MYOM1: variants seen among roughly 807,000 people sequenced by gnomAD.
MYOM1 encodes myomesin 1, also known as myomesin-1.
Under a neutral mutation model 205.3 loss-of-function variants are expected in MYOM1, and 164 were observed. That is an observed-to-expected ratio of 0.80 (90% confidence interval 0.70 to 0.91). The LOEUF (loss-of-function observed/expected upper bound fraction) is 0.91. Among genes scored for constraint, MYOM1 ranks in the 40% least tolerant of loss-of-function variants. MYOM1 has a pLI of 0.00. For missense variants in MYOM1, 2,011 were observed against 2,127.3 expected (o/e 0.95, Z 1.08); for synonymous variants, 772 against 789.4 (o/e 0.98, Z 0.37).
At chr18:3,128,839 G>A (rs891857161) in intron 18 of MYOM1, among the ~76,000 whole-genome samples, 1 of 152,140 alleles carries the variant, frequency 6.6e-6, no homozygotes, top group African/African-American at 2.4e-5. Flanking sequence ...TTCTTTGTGA[G>A]ATCTTTCTCC....
intron 23 of MYOM1, among the ~76,000 whole-genome samples, chr18:3,102,125 C>T (rs529930013): frequency 3.3e-5 from 5 of 151,478 alleles, no homozygotes; most frequent in African/African-American, 9.7e-5. Flanking sequence ...CCTCAGCCTC[C>T]CGAGTAGCTG....
chr18:3,108,097 T>G (rs1206839278), intron 22 of MYOM1, among the ~76,000 whole-genome samples: 1 of 152,202 alleles, frequency 6.6e-6, no homozygotes, highest in Non-Finnish European at 1.5e-5. Context: ...TGTAGGCATC[T>G]TGGTCTTCTA....
At chr18:3,225,896 T>C in the MYOM1 span, among the ~76,000 whole-genome samples, 2 of 152,214 alleles carry the variant, frequency 1.3e-5, no homozygotes, top group African/African-American at 4.8e-5. Context: ...CTGTGGTCTG[T>C]CAGGAATTGG....
intron 8 of MYOM1, among the ~76,000 whole-genome samples, chr18:3,171,156 T>G (rs550468562): frequency 6.6e-6 from 1 of 152,374 alleles, no homozygotes; most frequent in East Asian, 1.9e-4. Context: ...TGGCCGTTTC[T>G]GTGCTCTTGG....
intron 21 of MYOM1, among the ~76,000 whole-genome samples, chr18:3,113,902 G>T (rs533983785): frequency 2.0e-5 from 3 of 152,166 alleles, no homozygotes; most frequent in Non-Finnish European, 4.4e-5. Flanking sequence ...AATGAGGTAC[G>T]TATTAAATTG....
intron 10 of MYOM1, among the ~76,000 whole-genome samples, chr18:3,161,128 C>T (rs928430734): frequency 6.6e-6 from 1 of 152,186 alleles, no homozygotes. Flanking sequence ...TTGCTAATTG[C>T]AGTGTGTTGG....
At chr18:3,151,621 T>C in intron 12 of MYOM1, 73 bp downstream of exon 12, 5 of 1,371,694 alleles carry the variant, frequency 3.6e-6, no homozygotes, top group Non-Finnish European at 5.0e-6. Context: ...AGAAACAACC[T>C]TGCAATGAAG....
At position 3,107,200 on chromosome 18, in the gene MYOM1, C is replaced by T. The variant is rs577702361; in HGVS notation, c.3419-4570G>A. Among the ~76,000 whole-genome samples, 293 of 152,292 alleles carry T rather than the reference C, an allele frequency of 1.9e-3. 2 individuals carry two copies. The highest frequency in any genetic ancestry group is 6.8e-3 in the African/African-American group (281 of 41,570). On this transcript the variant is annotated intron_variant, in intron 22 of 37. Coordinates refer to ENST00000356443, the MANE Select transcript of MYOM1 (RefSeq NM_003803.4). The stretch of plus-strand genomic sequence containing the variant: ...TGGCACGATCTCGGCTCACTGCAAC[C>T]TCTGTCTCCTGGGTTCAAGTGATTC...
At position 3,195,158 on chromosome 18, in the gene MYOM1, T is replaced by A. The variant is rs534995766; in HGVS notation, c.291-1200A>T. Among the ~76,000 whole-genome samples, 4 of 152,312 alleles carry A rather than the reference T, an allele frequency of 2.6e-5. No individual in the cohort carries two copies. In the South Asian group the frequency reaches 6.2e-4, roughly 24 times the overall value. The stretch of plus-strand genomic sequence containing the variant: ...ATGGTACAAAATGGATATATGACGA[T>A]GCGAGAAAACAAGTAGCACAGGACT... On this transcript the variant is annotated intron_variant, in intron 2 of 37. Coordinates refer to ENST00000356443, the MANE Select transcript of MYOM1 (RefSeq NM_003803.4).
At chr18:3,218,939 G>C (rs962068650) in intron 1 of MYOM1, among the ~76,000 whole-genome samples, 1 of 151,984 alleles carries the variant, frequency 6.6e-6, no homozygotes, top group Non-Finnish European at 1.5e-5. Context: ...AGTAAACAGG[G>C]TTTGACTTGA....
At chr18:3,122,150 G>T (rs2079702638) in intron 19 of MYOM1, among the ~76,000 whole-genome samples, 1 of 150,204 alleles carries the variant, frequency 6.7e-6, no homozygotes. Flanking sequence ...GAACAGAAAG[G>T]ACAAATAGAA....
intron 10 of MYOM1, among the ~76,000 whole-genome samples, chr18:3,162,746 G>A (rs913168034): frequency 1.4e-5 from 2 of 144,600 alleles, no homozygotes; most frequent in Non-Finnish European, 3.0e-5. Flanking sequence ...CCACTGAAAA[G>A]GCCGGGCGTG....
chr18:3,113,495 C>A (rs12958134), intron 21 of MYOM1, among the ~76,000 whole-genome samples: 132,316 of 151,616 alleles, frequency 0.87, 58,239 homozygotes, highest in East Asian at 0.97. Flanking sequence ...CACCAGGCTA[C>A]CTAAAAACAA....
rs1034281295 is a variant in MYOM1 at position 3,152,872 on chromosome 18, G to A, written c.1644-979C>T. On this transcript the variant is annotated intron_variant, in intron 11 of 37. Coordinates refer to ENST00000356443, the MANE Select transcript of MYOM1 (RefSeq NM_003803.4). This position sits in a 1 kb window ranked among gnomAD's most constrained non-coding sequence, Gnocchi z 4.3. ...CAATCACCTTCCTCTCTTTGATATG[G>A]ACAATAGACAATTTCCTTATGTAAA... is the stretch of plus-strand genomic sequence containing the variant. Among the ~76,000 whole-genome samples the A allele has an allele frequency of 6.6e-6, 1 of 152,046 alleles. No individual in the cohort carries two copies. Among genetic ancestry groups the A allele is most frequent in the African/African-American group, 2.4e-5 (1 of 41,386 alleles).
At chr18:3,178,157 C>T (rs543867721) in intron 5 of MYOM1, among the ~76,000 whole-genome samples, 51 of 152,344 alleles carry the variant, frequency 3.3e-4, no homozygotes, top group African/African-American at 9.9e-4. Context: ...CCACTTCGCA[C>T]GCACAGATGA....
At chr18:3,147,018 GCAT>G (rs1199834705) in intron 13 of MYOM1, among the ~76,000 whole-genome samples, 2 of 142,762 alleles carry the variant, frequency 1.4e-5, no homozygotes, top group Non-Finnish European at 3.0e-5. Flanking sequence ...ACCATTTACA[GCAT>G]CATCAGAAAT....
At chr18:3,227,097 TCTAC>T in the MYOM1 span, among the ~76,000 whole-genome samples, 1 of 152,240 alleles carries the variant, frequency 6.6e-6, no homozygotes, top group Non-Finnish European at 1.5e-5. Context: ...ATTTTTTGTC[TCTAC>T]CTGTTTTTCT....
chr18:3,247,230 C>G, the MYOM1 span: 2 of 152,358 alleles, frequency 1.3e-5, no homozygotes, highest in Non-Finnish European at 2.9e-5. Flanking sequence ...ACACACGTTT[C>G]CTCCCGTATG....
At chr18:3,183,766 T>G (rs2080772801) in intron 5 of MYOM1, among the ~76,000 whole-genome samples, 1 of 152,170 alleles carries the variant, frequency 6.6e-6, no homozygotes, top group Admixed American at 6.5e-5. Flanking sequence ...ATGCCAGCAA[T>G]GTTATCACCA....
Sources: allele counts gnomAD v4.1 joint callset (sites outside exome capture counted in the v4.1 genomes callset), GRCh38; gene constraint gnomAD v4.1.1; non-coding constraint Gnocchi (gnomAD v3.1); transcripts MANE v1.5; gene names NCBI Gene and HGNC (gene_info 2026-07-23, HGNC 2026-07-21).